Variants in UBE2E1 observed in about 807,000 individuals in gnomAD.
UBE2E1 encodes ubiquitin conjugating enzyme E2 E1.
In UBE2E1, 6 loss-of-function variants were observed where a neutral mutation model predicts 21.4. The observed-to-expected ratio is 0.28, with a 90% CI of 0.15 to 0.55. UBE2E1 has a LOEUF of 0.55. Ranked by LOEUF, UBE2E1 falls within the 20% of genes least tolerant of loss-of-function variation. UBE2E1 has a pLI of 0.93. For missense variants in UBE2E1, 142 were observed against 236.5 expected (o/e 0.60, Z 2.62); for synonymous variants, 87 against 82.7 (o/e 1.05, Z -0.28).
intron 3 of UBE2E1, among the ~76,000 whole-genome samples, chr3:23,851,173 G>T (rs1409901943): frequency 6.6e-6 from 1 of 152,088 alleles, no homozygotes; most frequent in Non-Finnish European, 1.5e-5. Context: ...GAGCTGATTT[G>T]GCACTCTTGT....
chr3:23,825,672 A>T (rs962837836), intron 3 of UBE2E1, among the ~76,000 whole-genome samples: 7 of 152,150 alleles, frequency 4.6e-5, no homozygotes, highest in Admixed American at 2.0e-4. Context: ...TGAGAAGGGC[A>T]TTTTAGGCTG....
intron 4 of UBE2E1, chr3:23,888,167 G>C (rs1203415652): frequency 2.2e-6 from 1 of 455,366 alleles, no homozygotes; most frequent in Non-Finnish European, 4.4e-6. Context: ...TAGAGAATCA[G>C]AATCTCTTCC....
rs374158561 is a variant in UBE2E1 at position 23,847,333 on chromosome 3, A to T, written c.203+35823A>T. On this transcript the variant is annotated intron_variant, in intron 3 of 5. Coordinates refer to ENST00000306627, the MANE Select transcript of UBE2E1 (RefSeq NM_003341.5). ...GTCATGACATCAGTAGTACGTAGTG[A>T]AAAGAGCATTTTCAAAGAAAAAAGG... 2.0e-4 allele frequency among the ~76,000 whole-genome samples: 31 copies of T among 152,284 alleles called. No individual in the cohort carries two copies. The South Asian group carries it at 6.4e-3, about 32-fold the overall frequency.
At chr3:23,872,179 C>T (rs577602691) in intron 3 of UBE2E1, among the ~76,000 whole-genome samples, 4 of 152,156 alleles carry the variant, frequency 2.6e-5, no homozygotes, top group Admixed American at 6.5e-5. Context: ...GAGACCAGCC[C>T]GGCCAACACA....
rs1180687068 is a variant in UBE2E1 at position 23,891,464 on chromosome 3, A to T, written c.*858A>T. The T allele has an allele frequency of 1.3e-5, 2 of 152,202 alleles. No individual in the cohort carries two copies. Among genetic ancestry groups the T allele is most frequent in the African/African-American group, 2.4e-5 (1 of 41,446 alleles). 9.4% of individuals were successfully genotyped at this position (152,202 alleles called of 1,614,324 possible). ...TTACCTATATTAGGATCTGTACTTT[A>T]CACAGCTGTAGATGAGGTATCCTAG... On this transcript the variant is annotated 3_prime_UTR_variant, in exon 6 of 6. Transcript: ENST00000306627.
chr3:23,880,004 T>C (rs906075316), intron 3 of UBE2E1, among the ~76,000 whole-genome samples: 2 of 152,188 alleles, frequency 1.3e-5, no homozygotes, highest in Non-Finnish European at 2.9e-5. Context: ...CTCAGCACTT[T>C]GGGAGGCCCA....
At chr3:23,839,412 CA>C in intron 3 of UBE2E1, among the ~76,000 whole-genome samples, 1 of 151,808 alleles carries the variant, frequency 6.6e-6, no homozygotes, top group East Asian at 1.9e-4. Flanking sequence ...TGCAGTGAGC[CA>C]AGATCACTCC....
Position 23,876,817 on chromosome 3 carries a change from A to C in UBE2E1, c.204-10750A>C, listed in dbSNP as rs1283266254. Among the ~76,000 whole-genome samples the C allele has an allele frequency of 1.3e-5, 2 of 152,120 alleles. No individual in the cohort carries two copies. The highest frequency in any genetic ancestry group is 4.8e-5 in the African/African-American group (2 of 41,430). On this transcript the variant is annotated intron_variant, in intron 3 of 5. Coordinates refer to ENST00000306627, the MANE Select transcript of UBE2E1 (RefSeq NM_003341.5). The surrounding 1 kb of genome is among the most constrained non-coding windows in gnomAD (Gnocchi z 4.3). Reference sequence around the variant, plus strand: ...GTCAGTGCTTTCAGAGGCCAAGCAGAAGTATCGCTTGAGCCCAGGAGTTCA... The same window carrying C: ...GTCAGTGCTTTCAGAGGCCAAGCAGCAGTATCGCTTGAGCCCAGGAGTTCA...
intron 3 of UBE2E1, among the ~76,000 whole-genome samples, chr3:23,845,372 G>A (rs1303498730): frequency 6.6e-6 from 1 of 152,136 alleles, no homozygotes; most frequent in Non-Finnish European, 1.5e-5. Flanking sequence ...GAAAGCCTCT[G>A]TTTACCAAGT....
rs577901429 is a variant in UBE2E1 at position 23,882,579 on chromosome 3, G to C, written c.204-4988G>C. Among the ~76,000 whole-genome samples, 14 of 152,104 alleles carry C rather than the reference G, an allele frequency of 9.2e-5. 1 individual carries two copies. In the South Asian group the frequency reaches 1.7e-3, roughly 18 times the overall value. On this transcript the variant is annotated intron_variant, in intron 3 of 5. Transcript: ENST00000306627. ...CGATGGGACCGGGAGCCGCGGAGCAGGGGGTGGTCCCCATCGGGGAGGCTC... is the reference window on the plus strand; with the variant it reads ...CGATGGGACCGGGAGCCGCGGAGCACGGGGTGGTCCCCATCGGGGAGGCTC...
Position 23,823,608 on chromosome 3 carries a change from A to G in UBE2E1, c.203+12098A>G. Among the ~76,000 whole-genome samples, 1 of 152,252 alleles carries G rather than the reference A, an allele frequency of 6.6e-6. No homozygotes were observed. Among genetic ancestry groups the G allele is most frequent in the East Asian group, 1.9e-4 (1 of 5,206 alleles). ...TTCTTAGCAGACTTTGCTACAACACATTTATCCTAAATAAAAGGAGATTGT... is the reference window on the plus strand; with the variant it reads ...TTCTTAGCAGACTTTGCTACAACACGTTTATCCTAAATAAAAGGAGATTGT... On this transcript the variant is annotated intron_variant, in intron 3 of 5. Coordinates refer to ENST00000306627, the MANE Select transcript of UBE2E1 (RefSeq NM_003341.5). This position sits in a 1 kb window ranked among gnomAD's most constrained non-coding sequence, Gnocchi z 4.2.
intron 3 of UBE2E1, among the ~76,000 whole-genome samples, chr3:23,814,482 T>TTG (rs1374735772): frequency 1.3e-5 from 2 of 151,932 alleles, no homozygotes; most frequent in Admixed American, 6.6e-5. Flanking sequence ...TATCTGTGAT[T>TTG]TGTGTGTGTG....
intron 3 of UBE2E1, among the ~76,000 whole-genome samples, chr3:23,857,645 TG>T (rs1256375330): frequency 6.6e-6 from 1 of 152,180 alleles, no homozygotes; most frequent in Non-Finnish European, 1.5e-5. Context: ...TTTGTCTCAT[TG>T]GTGTGGTGTC....
chr3:23,865,188 A>G (rs1248057523), intron 3 of UBE2E1, among the ~76,000 whole-genome samples: 1 of 152,170 alleles, frequency 6.6e-6, no homozygotes, highest in Non-Finnish European at 1.5e-5. Context: ...TAGCTCTTAC[A>G]AGGTCACATA....
intron 3 of UBE2E1, among the ~76,000 whole-genome samples, chr3:23,858,924 C>T (rs1210875273): frequency 1.3e-5 from 2 of 152,138 alleles, no homozygotes; most frequent in South Asian, 2.1e-4. Context: ...CACTTGAGCT[C>T]GTCTTTAACA....
At chr3:23,872,303 A>G (rs1318045802) in intron 3 of UBE2E1, among the ~76,000 whole-genome samples, 1 of 149,030 alleles carries the variant, frequency 6.7e-6, no homozygotes, top group Non-Finnish European at 1.5e-5. Context: ...GGGAGGTTGC[A>G]GTGAGCCGAG....
intron 3 of UBE2E1, among the ~76,000 whole-genome samples, chr3:23,851,951 C>G (rs113135269): frequency 7.1e-4 from 108 of 152,270 alleles, no homozygotes; most frequent in African/African-American, 1.4e-3. Flanking sequence ...TGGTGCTGCT[C>G]TCACGGTAAT....
chr3:23,833,995 A>G (rs937143436), intron 3 of UBE2E1, among the ~76,000 whole-genome samples: 4 of 152,198 alleles, frequency 2.6e-5, no homozygotes, highest in African/African-American at 9.6e-5. Context: ...AAATAAAAAT[A>G]AAAAGATGCC....
At chr3:23,812,174 C>T (rs561152288) in intron 3 of UBE2E1, among the ~76,000 whole-genome samples, 1 of 152,160 alleles carries the variant, frequency 6.6e-6, no homozygotes, top group East Asian at 1.9e-4. Flanking sequence ...CATTTTGCTA[C>T]TGTTGAGTCA....
Sources: gnomAD v4.1 joint callset for allele counts (sites outside exome capture counted in the v4.1 genomes callset) on GRCh38, gnomAD v4.1.1 for gene constraint, Gnocchi (gnomAD v3.1) non-coding constraint, MANE v1.5 for transcripts, NCBI Gene and HGNC (gene_info 2026-07-23, HGNC 2026-07-21) for gene names.